LRRC9: variants seen among roughly 807,000 people sequenced by gnomAD.
LRRC9 encodes leucine-rich repeat-containing protein 9.
LRRC9 carries 122 observed loss-of-function variants against 63.2 expected under a neutral mutation model. That is an observed-to-expected ratio of 1.93 (90% CI 1.67 to 2.24). The LOEUF (loss-of-function observed/expected upper bound fraction) is 2.24. LRRC9 is among the 30% of genes most tolerant of loss of function. The pLI is 0.00. For missense variants in LRRC9, 1,071 were observed against 627.7 expected (o/e 1.71, Z -7.55); for synonymous variants, 366 against 213.1 (o/e 1.72, Z -6.25).
chr14:59,993,282 G>T (rs1037043098), intron 17 of LRRC9, among the ~76,000 whole-genome samples: 7 of 152,092 alleles, frequency 4.6e-5, no homozygotes, highest in Non-Finnish European at 1.0e-4. Flanking sequence ...GTCACCACCA[G>T]GCCTGCCCTA....
At chr14:60,047,669 A>G (rs1893549046) in intron 29 of LRRC9, among the ~76,000 whole-genome samples, 1 of 152,202 alleles carries the variant, frequency 6.6e-6, no homozygotes, top group Admixed American at 6.5e-5. Flanking sequence ...ACCTATAAAG[A>G]GACTTAGACT....
chr14:60,016,158 T>G (rs989586609), intron 23 of LRRC9, among the ~76,000 whole-genome samples: 1 of 152,080 alleles, frequency 6.6e-6, no homozygotes. Flanking sequence ...CTGGTCTGCC[T>G]TCTTCTCCAC....
At chr14:59,973,048 A>G (rs540203468) in intron 12 of LRRC9, among the ~76,000 whole-genome samples, 19 of 152,240 alleles carry the variant, frequency 1.2e-4, no homozygotes, top group African/African-American at 4.6e-4. Flanking sequence ...GTAGAAATCT[A>G]GTGAAGGAAT....
chr14:59,987,289 TA>T (rs1282588663), intron 17 of LRRC9, among the ~76,000 whole-genome samples: 1 of 151,086 alleles, frequency 6.6e-6, no homozygotes, highest in Non-Finnish European at 1.5e-5. Context: ...TTGCCATTTT[TA>T]AAAAATGTAA....
At chr14:59,997,791 T>C (rs1293215107) in exon 18 of LRRC9, 1 of 702,220 alleles carries the variant, frequency 1.4e-6, no homozygotes, top group Non-Finnish European at 2.6e-6. Context: ...AAATATGTTA[T>C]GCAAACACAC....
chr14:59,960,533 G>T (rs150684), intron 9 of LRRC9, among the ~76,000 whole-genome samples: 64,736 of 152,026 alleles, frequency 0.43, 14,499 homozygotes, highest in East Asian at 0.64. Context: ...GCCAGACTCT[G>T]TGCTAAGATC....
chr14:60,028,941 G>C (rs1318892641), intron 28 of LRRC9, among the ~76,000 whole-genome samples: 1 of 152,064 alleles, frequency 6.6e-6, no homozygotes, highest in Non-Finnish European at 1.5e-5. Flanking sequence ...TTCTGGGGGA[G>C]ATTTTTTTAA....
At chr14:59,967,104 G>C (rs151094577) in exon 12 of LRRC9, 4 of 639,532 alleles carry the variant, frequency 6.3e-6, no homozygotes. Flanking sequence ...AGGAGCTACC[G>C]AAGGATGCTG....
chr14:59,981,972 C>T, exon 16 of LRRC9: 1 of 702,542 alleles, frequency 1.4e-6, no homozygotes, highest in Non-Finnish European at 2.6e-6. Context: ...AAAATGGAGC[C>T]CAGAATCAAG....
chr14:60,006,432 A>G, exon 22 of LRRC9: 1 of 698,846 alleles, frequency 1.4e-6, no homozygotes, highest in Non-Finnish European at 2.6e-6. Context: ...TCGCCTCAGC[A>G]TAAATAATAA....
chr14:60,040,510 T>C (rs1010180583), intron 29 of LRRC9, among the ~76,000 whole-genome samples: 4 of 151,956 alleles, frequency 2.6e-5, no homozygotes, highest in Non-Finnish European at 5.9e-5. Flanking sequence ...TTTACCATTA[T>C]ATAATGGCCT....
rs1166327694 is a variant in LRRC9 at position 60,060,610 on chromosome 14, G to A, written c.4276+2588G>A. On this transcript the variant is annotated intron_variant, in intron 31 of 31. Coordinates refer to ENST00000445360, the Ensembl canonical transcript of LRRC9. The surrounding 1 kb of genome is among the most constrained non-coding windows in gnomAD (Gnocchi z 4.0). ...AAAAAAATTAGCTGGGCATGGTGGC[G>A]GGCGCCTGTAGTCCCAGCTACTCGG... Among the ~76,000 whole-genome samples the A allele has an allele frequency of 4.6e-5, 7 of 151,964 alleles. No homozygotes were observed. The highest frequency in any genetic ancestry group is 9.7e-5 in the African/African-American group (4 of 41,376).
At chr14:60,044,896 T>C (rs1893276278) in intron 29 of LRRC9, among the ~76,000 whole-genome samples, 1 of 152,220 alleles carries the variant, frequency 6.6e-6, no homozygotes, top group South Asian at 2.1e-4. Context: ...TAAAGTCCAC[T>C]ACTATTATTG....
intron 6 of LRRC9, among the ~76,000 whole-genome samples, chr14:59,933,789 A>G (rs1333196028): frequency 6.6e-6 from 1 of 152,162 alleles, no homozygotes; most frequent in Admixed American, 6.6e-5. Flanking sequence ...GGGCATTCTA[A>G]GACGGGGAAA....
rs1223132449 is a variant in LRRC9, at chr14:59,927,059, C to T, written c.-33-852C>T. On this transcript the variant is annotated intron_variant, in intron 1 of 31. Transcript: ENST00000445360. The surrounding 1 kb of genome is among the most constrained non-coding windows in gnomAD (Gnocchi z 4.4). The stretch of plus-strand genomic sequence containing the variant: ...GTATTCTGGCCACAAAGGCTTTCAC[C>T]TGCATCTAAGGAAACTCATATTAAC... Among the ~76,000 whole-genome samples the T allele has an allele frequency of 6.6e-6, 1 of 152,082 alleles. No individual in the cohort carries two copies. Among genetic ancestry groups the T allele is most frequent in the African/African-American group, 2.4e-5 (1 of 41,430 alleles).
intron 26 of LRRC9, among the ~76,000 whole-genome samples, chr14:60,020,635 C>T (rs1301521147): frequency 6.6e-6 from 1 of 151,906 alleles, no homozygotes; most frequent in East Asian, 1.9e-4. Context: ...AGTCAACTTC[C>T]TTTCCCACCT....
At chr14:60,055,906 GAA>G (rs11395416) in intron 30 of LRRC9, among the ~76,000 whole-genome samples, 133 of 140,652 alleles carry the variant, frequency 9.5e-4, no homozygotes, top group African/African-American at 3.2e-3. Flanking sequence ...CCCTGTCTTG[GAA>G]AAAAAAAAAA....
rs1398366862 is a variant in LRRC9, at chr14:60,003,247, A to G, written c.2665-374A>G. 1.3e-5 allele frequency among the ~76,000 whole-genome samples: 2 copies of G among 152,202 alleles called. No homozygotes were observed. The highest frequency in any genetic ancestry group is 4.8e-5 in the African/African-American group (2 of 41,458). ...GATGGTCAGGCCTTTATAGGCTTCCATCACTGGCTGAGGGCCAACCTGGGA... is the reference window on the plus strand; with the variant it reads ...GATGGTCAGGCCTTTATAGGCTTCCGTCACTGGCTGAGGGCCAACCTGGGA... On this transcript the variant is annotated intron_variant, in intron 20 of 31. Coordinates refer to ENST00000445360, the Ensembl canonical transcript of LRRC9. This position sits in a 1 kb window ranked among gnomAD's most constrained non-coding sequence, Gnocchi z 4.2.
At chr14:59,943,223 T>G (rs1348140937) in intron 7 of LRRC9, among the ~76,000 whole-genome samples, 3 of 152,142 alleles carry the variant, frequency 2.0e-5, no homozygotes, top group Non-Finnish European at 4.4e-5. Flanking sequence ...TTTTGAAGTA[T>G]TTGCCTAGAT....
Sources: gnomAD v4.1 joint callset for allele counts (sites outside exome capture counted in the v4.1 genomes callset) on GRCh38, gnomAD v4.1.1 for gene constraint, Gnocchi (gnomAD v3.1) non-coding constraint, MANE v1.5 for transcripts, NCBI Gene and HGNC (gene_info 2026-07-23, HGNC 2026-07-21) for gene names.